Variants in KNL1 observed in about 807,000 individuals in gnomAD.
The protein encoded by KNL1 is outer kinetochore KNL1 complex subunit KNL1.
Under a neutral mutation model 201.3 loss-of-function variants are expected in KNL1, and 66 were observed. The observed-to-expected ratio is 0.33, with a 90% CI of 0.27 to 0.40. The LOEUF (loss-of-function observed/expected upper bound fraction) is 0.40. Among genes scored for constraint, KNL1 ranks in the 10% least tolerant of loss-of-function variants. The pLI, the probability that KNL1 is intolerant of heterozygous loss-of-function variation, is 1.00. For synonymous variants in KNL1, 895 were observed against 899.2 expected (o/e 1.00, Z 0.08); for missense variants, 2,815 against 2,690.5 (o/e 1.05, Z -1.02).
chr15:40,600,965 T>C (rs978473806), intron 1 of KNL1, among the ~76,000 whole-genome samples: 1 of 152,234 alleles, frequency 6.6e-6, no homozygotes, highest in Non-Finnish European at 1.5e-5. Context: ...TGAGTACTTA[T>C]CGTTGACTTT....
intron 13 of KNL1, among the ~76,000 whole-genome samples, chr15:40,638,422 G>A (rs1893122618): frequency 6.6e-6 from 1 of 152,090 alleles, no homozygotes; most frequent in Non-Finnish European, 1.5e-5. Flanking sequence ...GGTCTCAAGT[G>A]ATCCTCCTGC....
chr15:40,642,262 G>A (rs1180576020), intron 14 of KNL1, among the ~76,000 whole-genome samples: 1 of 151,956 alleles, frequency 6.6e-6, no homozygotes, highest in Non-Finnish European at 1.5e-5. Flanking sequence ...AGCCGGGCGC[G>A]GTAGCAGGCA....
intron 13 of KNL1, among the ~76,000 whole-genome samples, chr15:40,636,989 A>T (rs1893072837): frequency 6.6e-6 from 1 of 152,006 alleles, no homozygotes; most frequent in African/African-American, 2.4e-5. Flanking sequence ...CAATATAATC[A>T]TACCATAAAA....
chr15:40,600,785 C>T (rs368401755), intron 1 of KNL1, among the ~76,000 whole-genome samples: 4 of 152,172 alleles, frequency 2.6e-5, no homozygotes, highest in East Asian at 3.9e-4. Context: ...AAAGTTAATA[C>T]ATAAAGTGAA....
At chr15:40,661,214 T>C (rs1893898272) in intron 25 of KNL1, among the ~76,000 whole-genome samples, 1 of 151,710 alleles carries the variant, frequency 6.6e-6, no homozygotes, top group Non-Finnish European at 1.5e-5. Flanking sequence ...TGTTTTTGAC[T>C]GGGCGTGGTG....
intron 24 of KNL1, among the ~76,000 whole-genome samples, chr15:40,659,057 C>G (rs1893826020): frequency 6.6e-6 from 1 of 152,058 alleles, no homozygotes; most frequent in African/African-American, 2.4e-5. Flanking sequence ...GGTGGTGAGG[C>G]AGGCGGATCA....
chr15:40,652,451 GATTCTT>G (rs1893594802), intron 21 of KNL1, among the ~76,000 whole-genome samples: 2 of 133,404 alleles, frequency 1.5e-5, no homozygotes. Flanking sequence ...AATGGCTGGA[GATTCTT>G]TTTTTTTTTT....
chr15:40,644,880 A>G (rs1893338989), intron 14 of KNL1, 117 bp from the exon 15 acceptor site: 1 of 590,124 alleles, frequency 1.7e-6, no homozygotes, highest in African/African-American at 1.9e-5. Flanking sequence ...ACAGTTGTTC[A>G]AAGTACAGGT....
chr15:40,659,469 A>G lies in KNL1; in HGVS notation c.6836+8A>G. 3 of 1,611,434 alleles carry G rather than the reference A, an allele frequency of 1.9e-6. No homozygotes were observed. The highest frequency in any genetic ancestry group is 2.5e-6 in the Non-Finnish European group (3 of 1,178,652). ...TCACGTTGGGAACACTAGGTGAGTA[A>G]AGGGCCAACAGGGTAAGACTCTGGG... On this transcript the variant is annotated splice_region_variant and intron_variant, in intron 25 of 25. Transcript: ENST00000399668.
In KNL1 at chr15:40,605,165, T is replaced by C. The variant is rs781216056; in HGVS notation, c.75+16T>C. ...GCATTCTTCAGTAAGAAAGACTTTC[T>C]TGAATTAATAATTGTCAGCTTTTAT... On this transcript the variant is annotated intron_variant, in intron 3 of 25. Coordinates refer to ENST00000399668, the MANE Select transcript of KNL1 (RefSeq NM_144508.5). 2 of 1,373,514 alleles carry C rather than the reference T, an allele frequency of 1.5e-6. No homozygotes were observed. Among genetic ancestry groups the C allele is most frequent in the Non-Finnish European group, 2.1e-6 (2 of 961,734 alleles). 85.1% of individuals were successfully genotyped at this position (1,373,514 alleles called of 1,614,324 possible). A position where few individuals can be genotyped will look rare whatever the true frequency, so the allele number is the denominator to read the frequency against.
At chr15:40,659,274 A>G in intron 24 of KNL1, 65 bp from the exon 25 acceptor site, 2 of 1,506,802 alleles carry the variant, frequency 1.3e-6, no homozygotes, top group South Asian at 2.4e-5. Context: ...AAAAAAAAAA[A>G]AAAAGAAATT....
intron 13 of KNL1, among the ~76,000 whole-genome samples, chr15:40,633,312 A>G (rs1008349028): frequency 6.8e-6 from 1 of 147,220 alleles, no homozygotes; most frequent in African/African-American, 2.6e-5. Flanking sequence ...CTCTGTCTCA[A>G]AAAAAAAAAA....
intron 13 of KNL1, among the ~76,000 whole-genome samples, chr15:40,640,131 C>G (rs1379297867): frequency 7.7e-6 from 1 of 129,224 alleles, no homozygotes; most frequent in Non-Finnish European, 1.6e-5. Context: ...GAGTCCTGCT[C>G]TGTTGCCCAG....
intron 20 of KNL1, 75 bp downstream of exon 20, chr15:40,651,647 G>A (rs1357231080): frequency 3.9e-6 from 4 of 1,025,374 alleles, no homozygotes; most frequent in South Asian, 3.2e-5. Context: ...TGGAGCAATT[G>A]ATGTATTTTT....
At position 40,636,415 on chromosome 15, in the gene KNL1, T is replaced by C. The variant is rs118074516; in HGVS notation, c.5683-4497T>C. On this transcript the variant is annotated intron_variant, in intron 13 of 25. Coordinates refer to ENST00000399668, the MANE Select transcript of KNL1 (RefSeq NM_144508.5). ...GTCTTGTGCTTCACTTTATGTGTTA[T>C]GAAAGTTTATGATGAAACCTTTTTA... Among the ~76,000 whole-genome samples the C allele has an allele frequency of 1.4e-3, 214 of 152,346 alleles. 2 individuals are homozygous for C. In the East Asian group the frequency reaches 0.026, roughly 19 times the overall value.
chr15:40,600,075 CTTTTT>C (rs10706832), intron 1 of KNL1, among the ~76,000 whole-genome samples: 3 of 100,184 alleles, frequency 3.0e-5, no homozygotes, highest in Non-Finnish European at 4.2e-5. Context: ...TTTGGGATTC[CTTTTT>C]TTTTTTTTTT....
In KNL1 at chr15:40,624,406, G is replaced by C; in HGVS notation, c.4142G>C (p.Cys1381Ser). 1 of 1,614,004 alleles carries C rather than the reference G, an allele frequency of 6.2e-7. No homozygotes were observed. The highest frequency in any genetic ancestry group is 8.5e-7 in the Non-Finnish European group (1 of 1,179,944). ...ACCAGTACCAAAGGACAGTTAGACT[G>C]TGTTATAACACTGCACAAAGATCAA... ...IQTSTKGQLD[C>S]VITLHKDQDL... Residue 1381 changes from cysteine (C) to serine (S), a missense_variant, in exon 10 of 26, where the codon TGT becomes TCT. This residue lies in a region of KNL1 where 2,464 missense variants were observed against 2,291.7 expected (regional missense o/e 1.08). Coordinates refer to ENST00000399668, the MANE Select transcript of KNL1 (RefSeq NM_144508.5).
chr15:40,623,407 T>G lies in KNL1; in HGVS notation c.3143T>G (p.Val1048Gly). 1 of 1,613,882 alleles carries G rather than the reference T, an allele frequency of 6.2e-7. No homozygotes were observed. The highest frequency in any genetic ancestry group is 8.5e-7 in the Non-Finnish European group (1 of 1,179,902). ...KSATCKNIKD[V>G]QSPGFLNEPL... is the part of the protein sequence containing the mutation. ...GCCACTTGCAAAAACATCAAAGATG[T>G]ACAAAGTCCTGGATTTCTGAATGAA... Residue 1048 changes from valine (V) to glycine (G), a missense_variant, in exon 10 of 26, where the codon GTA (valine) becomes GGA (glycine). This residue lies in a region of KNL1 where 2,464 missense variants were observed against 2,291.7 expected (regional missense o/e 1.08). Transcript: ENST00000399668.
chr15:40,647,681 C>G (rs1421764191), intron 17 of KNL1, among the ~76,000 whole-genome samples: 1 of 152,124 alleles, frequency 6.6e-6, no homozygotes, highest in Non-Finnish European at 1.5e-5. Flanking sequence ...GAGTTACTCT[C>G]CTGAAACTCC....
Sources: gnomAD v4.1 joint callset for allele counts (sites outside exome capture counted in the v4.1 genomes callset) on GRCh38, gnomAD v4.1.1 for gene constraint, gnomAD v4.1.1 regional missense constraint, MANE v1.5 for transcripts, NCBI Gene and HGNC (gene_info 2026-07-23, HGNC 2026-07-21) for gene names.